TXNL4A: variants seen among roughly 807,000 people sequenced by gnomAD.
The protein encoded by TXNL4A is thioredoxin like 4A.
In TXNL4A, 17 loss-of-function variants were observed where a neutral mutation model predicts 14.6. The observed-to-expected ratio is 1.16, with a 90% confidence interval of 0.80 to 1.74. The LOEUF (loss-of-function observed/expected upper bound fraction) is 1.74. Among genes scored for constraint, TXNL4A ranks in the 40% most tolerant of loss-of-function variants. The pLI, the probability that TXNL4A is intolerant of heterozygous loss-of-function variation, is 0.00. For missense variants in TXNL4A, 74 were observed against 195.2 expected (o/e 0.38, Z 3.70); for synonymous variants, 83 against 70.6 (o/e 1.18, Z -0.88).
intron 1 of TXNL4A, among the ~76,000 whole-genome samples, chr18:79,997,880 T>G: frequency 6.6e-6 from 1 of 152,178 alleles, no homozygotes; most frequent in Non-Finnish European, 1.5e-5. Context: ...GGAGGCATAT[T>G]ATCTCAGTCA....
In TXNL4A at chr18:79,988,226, G is replaced by A. The variant is rs572276922; in HGVS notation, c.153+14C>T. 3 of 1,511,884 alleles carry A rather than the reference G, an allele frequency of 2.0e-6. No individual in the cohort carries two copies. The highest frequency in any genetic ancestry group is 2.7e-6 in the Non-Finnish European group (3 of 1,110,318). 93.7% of individuals were successfully genotyped at this position (1,511,884 alleles called of 1,614,324 possible). On this transcript the variant is annotated intron_variant, in intron 1 of 2. Transcript: ENST00000269601. ...GAAGCACAGCCCGCAGAGCGGGAGA[G>A]TCCGGCGCGCTACCTTCTCGGCGAT...
intron 1 of TXNL4A, among the ~76,000 whole-genome samples, chr18:80,031,341 A>C (rs963836084): frequency 6.6e-6 from 1 of 152,146 alleles, no homozygotes; most frequent in Non-Finnish European, 1.5e-5. Context: ...GTGACCAACT[A>C]TTTATTGGCT....
Position 80,020,635 on chromosome 18 carries a change from G to A in TXNL4A, c.-61+13216C>T, listed in dbSNP as rs367745465. On this transcript the variant is annotated intron_variant, in intron 1 of 2. Coordinates refer to the TXNL4A transcript ENST00000585474. ...CGCCTTCCCTATGGGAAGACTGAGC[G>A]TAGGTGCTTTAAGTCAGGCTTTAGC... Among the ~76,000 whole-genome samples, 62 of 152,284 alleles carry A rather than the reference G, an allele frequency of 4.1e-4. No homozygotes were observed. The South Asian group carries it at 7.0e-3, about 17-fold the overall frequency.
At chr18:80,016,647 A>G (rs1369491847) in intron 1 of TXNL4A, among the ~76,000 whole-genome samples, 1 of 152,174 alleles carries the variant, frequency 6.6e-6, no homozygotes, top group Non-Finnish European at 1.5e-5. Context: ...TGTTTTTCTC[A>G]GGTTCGTCAA....
chr18:80,013,147 G>A (rs2051782989), intron 1 of TXNL4A, among the ~76,000 whole-genome samples: 1 of 145,912 alleles, frequency 6.9e-6, no homozygotes, highest in Non-Finnish European at 1.5e-5. Flanking sequence ...TTGAGACGGA[G>A]TCTGGCTCTG....
Position 79,982,375 on chromosome 18 carries a change from G to C in TXNL4A, c.154-4674C>G, listed in dbSNP as rs573830326. ...GTTTGAGAAAACTAAGGGACATCCA[G>C]AGAAAAAGGCCCTCCAGGTAGCGAC... On this transcript the variant is annotated intron_variant, in intron 1 of 2. Transcript: ENST00000269601. The surrounding 1 kb of genome is among the most constrained non-coding windows in gnomAD (Gnocchi z 4.0). Among the ~76,000 whole-genome samples, 76 of 152,324 alleles carry C rather than the reference G, an allele frequency of 5.0e-4. No homozygotes were observed. Among genetic ancestry groups the C allele is most frequent in the African/African-American group, 1.8e-3 (74 of 41,572 alleles).
At chr18:79,989,538 A>G (rs1353564644), upstream of TXNL4A, among the ~76,000 whole-genome samples, 2 of 152,242 alleles carry the variant, frequency 1.3e-5, no homozygotes, top group South Asian at 2.1e-4. Context: ...TCAAAGAGAA[A>G]TAAGTTAATA....
intron 1 of TXNL4A, among the ~76,000 whole-genome samples, chr18:80,028,065 C>T (rs2051896638): frequency 6.6e-6 from 1 of 151,974 alleles, no homozygotes; most frequent in Middle Eastern, 3.2e-3. Context: ...CTAACTAATG[C>T]CCCAGCCTTA....
chr18:80,033,467 T>G (rs1419859700), intron 1 of TXNL4A, among the ~76,000 whole-genome samples: 2 of 152,170 alleles, frequency 1.3e-5, no homozygotes, highest in Non-Finnish European at 2.9e-5. Context: ...GCGAGACCAC[T>G]TCTGGGGAGG....
intron 1 of TXNL4A, among the ~76,000 whole-genome samples, chr18:80,026,751 T>C (rs944257609): frequency 1.3e-5 from 2 of 152,206 alleles, no homozygotes; most frequent in Admixed American, 6.5e-5. Flanking sequence ...ATGTCTCTTA[T>C]ATGCCTTGCG....
At chr18:80,022,495 A>G (rs1743167840) in intron 1 of TXNL4A, among the ~76,000 whole-genome samples, 1 of 152,224 alleles carries the variant, frequency 6.6e-6, no homozygotes, top group African/African-American at 2.4e-5. Flanking sequence ...GTTGAATAGT[A>G]TAGAAATCAA....
intron 1 of TXNL4A, among the ~76,000 whole-genome samples, chr18:79,979,098 T>C (rs11661671): frequency 0.77 from 116,623 of 151,698 alleles, 45,926 homozygotes; most frequent in East Asian, 0.91. Context: ...CCACCACGTC[T>C]GGCTAATTTT....
At position 80,011,144 on chromosome 18, in the gene TXNL4A, T is replaced by C. The variant is rs560394835; in HGVS notation, c.-61+22707A>G. Among the ~76,000 whole-genome samples the C allele has an allele frequency of 6.6e-6, 1 of 152,266 alleles. No homozygotes were observed. The highest frequency in any genetic ancestry group is 1.9e-4 in the East Asian group (1 of 5,186). ...AAAGGAAACAATTTGGGTTATATCA[T>C]TGAGTATGCAAAGGCCAAACACTAA... On this transcript the variant is annotated intron_variant, in intron 1 of 2. Transcript: ENST00000585474. The surrounding 1 kb of genome is among the most constrained non-coding windows in gnomAD (Gnocchi z 4.1).
chr18:80,008,797 A>G (rs1183477605), intron 1 of TXNL4A, among the ~76,000 whole-genome samples: 1 of 152,052 alleles, frequency 6.6e-6, no homozygotes, highest in Admixed American at 6.6e-5. Flanking sequence ...CTTTCTTTTG[A>G]GATGGAGTCT....
intron 1 of TXNL4A, among the ~76,000 whole-genome samples, chr18:80,005,965 C>A (rs2051727624): frequency 1.3e-5 from 2 of 151,680 alleles, no homozygotes; most frequent in Admixed American, 6.6e-5. Context: ...GAAGAACTTT[C>A]CAAAAACAGC....
chr18:79,986,862 T>C (rs1161827665), intron 1 of TXNL4A: 10 of 729,132 alleles, frequency 1.4e-5, no homozygotes, highest in Admixed American at 6.3e-5. Context: ...ATTTCCAGTA[T>C]CTGCCCTTGT....
At position 79,973,576 on chromosome 18, in the gene TXNL4A, G is replaced by A; in HGVS notation, c.*109C>T. ...ACCATGTTATCAATTCCATCTCAGA[G>A]GTGCTCCAGCCCTGGAGCTTCCTGT... On this transcript the variant is annotated 3_prime_UTR_variant, in exon 3 of 3. Coordinates refer to ENST00000269601, the MANE Select transcript of TXNL4A (RefSeq NM_006701.5). The A allele has an allele frequency of 7.1e-7, 1 of 1,399,576 alleles. No homozygotes were observed. The highest frequency in any genetic ancestry group is 9.6e-7 in the Non-Finnish European group (1 of 1,042,072). 86.7% of individuals were successfully genotyped at this position (1,399,576 alleles called of 1,614,324 possible). A position where few individuals can be genotyped will look rare whatever the true frequency, so the allele number is the denominator to read the frequency against.
At chr18:80,002,448 A>G (rs1243328088) in intron 1 of TXNL4A, among the ~76,000 whole-genome samples, 1 of 152,218 alleles carries the variant, frequency 6.6e-6, no homozygotes, top group Non-Finnish European at 1.5e-5. Flanking sequence ...TGCTAAAAAC[A>G]AAAAAGCCAC....
chr18:80,005,995 C>T (rs1382761759), intron 1 of TXNL4A, among the ~76,000 whole-genome samples: 1 of 152,098 alleles, frequency 6.6e-6, no homozygotes, highest in East Asian at 1.9e-4. Context: ...TGTGGGGACA[C>T]AATTTTGTAG....
Sources: allele counts gnomAD v4.1 joint callset (sites outside exome capture counted in the v4.1 genomes callset), GRCh38; gene constraint gnomAD v4.1.1; non-coding constraint Gnocchi (gnomAD v3.1); transcripts MANE v1.5; gene names NCBI Gene and HGNC (gene_info 2026-07-23, HGNC 2026-07-21).